The following HDAC3 variants were observed in gnomAD, a reference collection of about 807,000 sequenced individuals.
HDAC3 encodes histone deacetylase 3.
A neutral mutation model predicts 62.3 loss-of-function variants in HDAC3; 21 were observed. That is an observed-to-expected ratio of 0.34 (90% CI 0.24 to 0.49). The LOEUF is 0.49. Ranked by LOEUF, HDAC3 falls within the 20% of genes least tolerant of loss-of-function variation. The pLI is 0.99. For missense variants in HDAC3, 270 were observed against 556.9 expected (o/e 0.48, Z 5.19); for synonymous variants, 198 against 206.5 (o/e 0.96, Z 0.35).
In HDAC3 at chr5:141,627,940, CAG is replaced by C. The variant is rs1235596225; in HGVS notation, c.781_782del (p.Leu261GlyfsTer3). 1.2e-6 allele frequency: 2 copies of C among 1,614,154 alleles called. No individual in the cohort carries two copies. The highest frequency in any genetic ancestry group is 8.5e-7 in the Non-Finnish European group (1 of 1,180,034). The part of the protein sequence containing the change: ...CIVLQCGADS[L>X]GCDRLGCFNL... ...TAAAGCAGCCCAATCGATCACAGCC[CAG>C]AGAGTCAGCTCCACACTGCAAAAAG... On this transcript the variant is annotated frameshift_variant, in exon 10 of 15. Transcript: ENST00000305264. LOFTEE classifies it high-confidence loss of function.
At chr5:141,624,444 C>T (rs2099904167) in intron 14 of HDAC3, among the ~76,000 whole-genome samples, 1 of 138,262 alleles carries the variant, frequency 7.2e-6, no homozygotes, top group East Asian at 2.1e-4. Flanking sequence ...ATGATTCCAG[C>T]TACTCGAGGG....
Position 141,625,196 on chromosome 5 carries a change from C to T in HDAC3, c.1217+12G>A. 6.3e-7 allele frequency: 1 copy of T among 1,588,934 alleles called. No individual in the cohort carries two copies. Among genetic ancestry groups the T allele is most frequent in the African/African-American group, 1.4e-5 (1 of 73,634 alleles). ...GCCTATTGAAAGTAGGCTGAAGTCC[C>T]TGCTCCCAGACCTGCTATAGTTCTC... On this transcript the variant is annotated intron_variant, in intron 14 of 14. Transcript: ENST00000305264. The surrounding 1 kb of genome is among the most constrained non-coding windows in gnomAD (Gnocchi z 4.0).
In HDAC3 at chr5:141,626,253, A is replaced by G; in HGVS notation, c.861T>C (p.Asn287=). ...GECVEYVKSF[N]IPLLVLGGGG... is the part of the protein sequence containing the mutation. ...CACCACCCAGCACGAGTAGAGGGATATTGAAGCTCTTGACATATTCAACGC... is the reference window on the plus strand; with the variant it reads ...CACCACCCAGCACGAGTAGAGGGATGTTGAAGCTCTTGACATATTCAACGC... Residue 287 remains asparagine (N), a synonymous_variant, in exon 11 of 15, where the codon AAT becomes AAC. Transcript: ENST00000305264. The surrounding 1 kb of genome is among the most constrained non-coding windows in gnomAD (Gnocchi z 4.6). 1 of 1,614,212 alleles carries G rather than the reference A, an allele frequency of 6.2e-7. No homozygotes were observed. Among genetic ancestry groups the G allele is most frequent in the East Asian group, 2.2e-5 (1 of 44,872 alleles).
intron 3 of HDAC3, among the ~76,000 whole-genome samples, chr5:141,632,828 G>C (rs1489403324): frequency 6.6e-6 from 1 of 152,226 alleles, no homozygotes; most frequent in Non-Finnish European, 1.5e-5. Flanking sequence ...ATCCTGTGCA[G>C]CTGAGGTGTA....
At chr5:141,623,106 A>G (rs2099903938) in intron 14 of HDAC3, among the ~76,000 whole-genome samples, 3 of 152,138 alleles carry the variant, frequency 2.0e-5, no homozygotes, top group African/African-American at 7.2e-5. Flanking sequence ...CTGGGCAAAA[A>G]GAGCGAAACT....
chr5:141,621,435 A>G lies in HDAC3; in HGVS notation c.*33T>C. 6.2e-7 allele frequency: 1 copy of G among 1,601,632 alleles called. No individual in the cohort carries two copies. Among genetic ancestry groups the G allele is most frequent in the Non-Finnish European group, 8.6e-7 (1 of 1,168,672 alleles). On this transcript the variant is annotated 3_prime_UTR_variant, in exon 15 of 15. Transcript: ENST00000305264. ...TCCAGCCCAACCAAGAGGTGAAAAG[A>G]AATTCCTTGGGACACAGCATCCCAA...
chr5:141,622,095 TAGTTAG>T (rs1250579110), intron 14 of HDAC3, among the ~76,000 whole-genome samples: 3 of 151,168 alleles, frequency 2.0e-5, no homozygotes, highest in Non-Finnish European at 4.4e-5. Flanking sequence ...TGGAGGAGAG[TAGTTAG>T]AGATGAGATC....
In HDAC3 at chr5:141,626,084, A is replaced by G; in HGVS notation, c.921-13T>C. 6.2e-7 allele frequency: 1 copy of G among 1,613,708 alleles called. No homozygotes were observed. The highest frequency in any genetic ancestry group is 8.5e-7 in the Non-Finnish European group (1 of 1,179,622). ...TGTCTCATATGTCCTGAAACCAACC[A>G]GCAGAGGGGAGCAGGCTGACCAAGT... is the stretch of plus-strand genomic sequence containing the variant. On this transcript the variant is annotated splice_polypyrimidine_tract_variant and intron_variant, in intron 11 of 14. Transcript: ENST00000305264. The surrounding 1 kb of genome is among the most constrained non-coding windows in gnomAD (Gnocchi z 4.6).
rs539527387 is a variant in HDAC3 at position 141,626,146 on chromosome 5, C to A, written c.920+48G>T. 6.2e-7 allele frequency: 1 copy of A among 1,606,610 alleles called. No individual in the cohort carries two copies. Among genetic ancestry groups the A allele is most frequent in the Admixed American group, 1.7e-5 (1 of 60,002 alleles). ...CCCATGTGGCCATATCTGAGGGACA[C>A]CCTAGCTCACACTGGACAACAGGGG... On this transcript the variant is annotated intron_variant, in intron 11 of 14. Transcript: ENST00000305264. This position sits in a 1 kb window ranked among gnomAD's most constrained non-coding sequence, Gnocchi z 4.6.
At chr5:141,621,619 A>C in intron 14 of HDAC3, 82 bp from the exon 15 acceptor site, 5 of 1,162,252 alleles carry the variant, frequency 4.3e-6, no homozygotes, top group Non-Finnish European at 6.4e-6. Context: ...GCCATTTCTC[A>C]GGCCCCGTTG....
In HDAC3 at chr5:141,636,810, C is replaced by CCCGCACCTCCGCCGCCCG. The variant is rs2099906087; in HGVS notation, c.-38_-21dup. The CCCGCACCTCCGCCGCCCG allele has an allele frequency of 6.5e-7, 1 of 1,529,882 alleles. No homozygotes were observed. The highest frequency in any genetic ancestry group is 1.4e-5 in the African/African-American group (1 of 70,096). The allele number at this position is 1,529,882 out of a possible 1,614,324, so 94.8% of individuals were successfully genotyped here. A position where few individuals can be genotyped will look rare whatever the true frequency, so the allele number is the denominator to read the frequency against. On this transcript the variant is annotated 5_prime_UTR_variant, in exon 1 of 15. Coordinates refer to ENST00000305264, the MANE Select transcript of HDAC3 (RefSeq NM_003883.4). The stretch of plus-strand genomic sequence containing the variant: ...GGCCATGGTGCCGGCGGGAGCAGGC[C>CCCGCACCTCCGCCGCCCG]CCGCACCTCCGCCGCCCGCCGCCCG...
At chr5:141,621,768 G>A (rs115819308) in intron 14 of HDAC3, among the ~76,000 whole-genome samples, 565 of 152,288 alleles carry the variant, frequency 3.7e-3, no homozygotes, top group African/African-American at 0.013. Context: ...GGACAAGGTT[G>A]TCTATCCTCA....
rs766069330 is a variant in HDAC3 at position 141,621,453 on chromosome 5, C to G, written c.*15G>C. On this transcript the variant is annotated 3_prime_UTR_variant, in exon 15 of 15. Coordinates refer to ENST00000305264, the MANE Select transcript of HDAC3 (RefSeq NM_003883.4). ...TGAAAAGAAATTCCTTGGGACACAG[C>G]ATCCCAAGCCACTCTTAAATCTCCA... is the stretch of plus-strand genomic sequence containing the variant. The G allele has an allele frequency of 6.2e-7, 1 of 1,610,876 alleles. No individual in the cohort carries two copies. The highest frequency in any genetic ancestry group is 1.1e-5 in the South Asian group (1 of 91,022).
chr5:141,621,893 G>C (rs963396148), intron 14 of HDAC3, among the ~76,000 whole-genome samples: 6 of 152,200 alleles, frequency 3.9e-5, no homozygotes, highest in Non-Finnish European at 8.8e-5. Context: ...GGTGATGAGA[G>C]GAAAAGGGTG....
chr5:141,636,478 C>T, intron 2 of HDAC3, 70 bp downstream of exon 2: 1 of 1,420,546 alleles, frequency 7.0e-7, no homozygotes. Context: ...TGCACTCAGT[C>T]CAGCCCACCT....
Position 141,625,418 on chromosome 5 carries a change from A to C in HDAC3, c.1060-53T>G, listed in dbSNP as rs763372864. The C allele has an allele frequency of 4.9e-5, 78 of 1,580,594 alleles. No homozygotes were observed. Among genetic ancestry groups the C allele is most frequent in the Non-Finnish European group, 6.7e-5 (77 of 1,150,824 alleles). On this transcript the variant is annotated intron_variant, in intron 13 of 14. Transcript: ENST00000305264. This position sits in a 1 kb window ranked among gnomAD's most constrained non-coding sequence, Gnocchi z 4.0. The stretch of plus-strand genomic sequence containing the variant: ...AGCAGTTTCCAGAGATTCCCAGGAC[A>C]TGGAATCTCCTAGCTGCCTTTTACC...
chr5:141,629,080 G>T lies in HDAC3; in HGVS notation c.610+93C>A, dbSNP rs1023987020. The T allele has an allele frequency of 6.1e-6, 8 of 1,317,904 alleles. No homozygotes were observed. In the African/African-American group the frequency reaches 1.2e-4, roughly 19 times the overall value. The allele number at this position is 1,317,904 out of a possible 1,614,324, so 81.6% of individuals were successfully genotyped here. On this transcript the variant is annotated intron_variant, in intron 7 of 14. Coordinates refer to ENST00000305264, the MANE Select transcript of HDAC3 (RefSeq NM_003883.4). This position sits in a 1 kb window ranked among gnomAD's most constrained non-coding sequence, Gnocchi z 5.3. Reference sequence around the variant, plus strand: ...GTAAGGAAAGGCTTCTCTGAGGAGGGGACACCTGAGATGAGACTAGAAGGC... The same window carrying T: ...GTAAGGAAAGGCTTCTCTGAGGAGGTGACACCTGAGATGAGACTAGAAGGC...
chr5:141,636,673 AGTTGCAACCCCGCCTCAAAACCTCCGT>A, intron 1 of HDAC3, 36 bp downstream of exon 1: 1 of 1,612,218 alleles, frequency 6.2e-7, no homozygotes, highest in Non-Finnish European at 8.5e-7. Context: ...TCACCCCTGG[AGTTGCAACCCCGCCTCAAAACCTCCGT>A]GTCCCAACCC....
At chr5:141,622,529 G>A (rs1256593389) in intron 14 of HDAC3, among the ~76,000 whole-genome samples, 1 of 151,992 alleles carries the variant, frequency 6.6e-6, no homozygotes, top group Admixed American at 6.5e-5. Flanking sequence ...GCTTGAACCT[G>A]GGAGGCGGAG....
Sources: gnomAD v4.1 joint callset for allele counts (sites outside exome capture counted in the v4.1 genomes callset) on GRCh38, gnomAD v4.1.1 for gene constraint, Gnocchi (gnomAD v3.1) non-coding constraint, MANE v1.5 for transcripts, NCBI Gene and HGNC (gene_info 2026-07-23, HGNC 2026-07-21) for gene names.